FAM53A: variants seen among roughly 807,000 people sequenced by gnomAD.
FAM53A encodes the protein protein FAM53A.
Under a neutral mutation model 26.6 loss-of-function variants are expected in FAM53A, and 28 were observed. The ratio of observed to expected loss-of-function variants is 1.05; its 90% CI spans 0.78 to 1.45. The LOEUF is 1.45. Ranked by LOEUF, FAM53A falls within the 40% of genes most tolerant of loss-of-function variation. The probability of loss-of-function intolerance (pLI) is 0.00; values close to 1 mark genes in which losing one functional copy is unlikely to be tolerated. For missense variants in FAM53A, 650 were observed against 575.8 expected, an observed-to-expected ratio of 1.13 and a Z score of -1.32; for synonymous variants, 290 against 253.1, an observed-to-expected ratio of 1.15 and a Z score of -1.38.
intron 1 of FAM53A, among the ~76,000 whole-genome samples, chr4:1,634,566 A>C (rs1254568176): frequency 6.6e-6 from 1 of 152,134 alleles, no homozygotes; most frequent in African/African-American, 2.4e-5. Context: ...GAAAGGCTGG[A>C]ATTTCCTCCC....
rs769898435 is a variant in FAM53A, at chr4:1,668,697, G to C, written c.45C>G (p.Asp15Glu). The stretch of plus-strand genomic sequence containing the variant: ...CAGCCTCCGCCTTGCAGGTGAGGTC[G>C]TCCAGGCTCTGGCTCTGCAGCTTCT... ...ITEKLQSQSLDDLTCKAEAGP... is the reference protein window; with the variant it reads ...ITEKLQSQSLEDLTCKAEAGP... Residue 15 changes from aspartate to glutamate, a missense_variant, in exon 2 of 5, where the codon GAC (aspartate) becomes GAG (glutamate). Asp to Glu is a conservative substitution (Grantham distance 45, BLOSUM62 2). Coordinates refer to ENST00000308132, the MANE Select transcript of FAM53A (RefSeq NM_001174070.3). 1.2e-6 allele frequency: 2 copies of C among 1,614,186 alleles called. No homozygotes were observed. Among genetic ancestry groups the C allele is most frequent in the Non-Finnish European group, 1.7e-6 (2 of 1,180,036 alleles).
At chr4:1,650,557 C>T (rs148485787) in intron 4 of FAM53A, among the ~76,000 whole-genome samples, 5,282 of 152,074 alleles carry the variant, frequency 0.035, 163 homozygotes, top group South Asian at 0.13. Context: ...AGTGCAGTGG[C>T]GTGATCTCAG....
Position 1,659,547 on chromosome 4 carries a change from GAC to G in FAM53A, c.76-2081_76-2080del, listed in dbSNP as rs538493019. ...CCAAATGTGACCACCTCTATGCAAAGACACGCCGGGGGCAGCAGCTACTCCCA... is the reference window on the plus strand; with the variant it reads ...CCAAATGTGACCACCTCTATGCAAAGACGCCGGGGGCAGCAGCTACTCCCA... On this transcript the variant is annotated intron_variant, in intron 2 of 4. Transcript: ENST00000308132. The surrounding 1 kb of genome is among the most constrained non-coding windows in gnomAD (Gnocchi z 5.2). 1.5e-3 allele frequency among the ~76,000 whole-genome samples: 226 copies of G among 152,334 alleles called. No homozygotes were observed. Among genetic ancestry groups the G allele is most frequent in the Middle Eastern group, 3.4e-3 (1 of 294 alleles).
At chr4:1,684,854 G>C (rs539806342), upstream of FAM53A, among the ~76,000 whole-genome samples, 6 of 152,368 alleles carry the variant, frequency 3.9e-5, no homozygotes, top group African/African-American at 9.6e-5. Context: ...GCCGAGGGCG[G>C]ACCGTGCTGC....
chr4:1,669,300 G>A (rs193026429), intron 1 of FAM53A, among the ~76,000 whole-genome samples: 33 of 152,318 alleles, frequency 2.2e-4, no homozygotes, highest in Admixed American at 7.2e-4. Context: ...TGCTCCAAGT[G>A]GCCAAACACC....
intron 1 of FAM53A, among the ~76,000 whole-genome samples, chr4:1,627,956 C>T (rs552897236): frequency 2.6e-4 from 39 of 148,934 alleles, no homozygotes; most frequent in African/African-American, 8.2e-4. Context: ...CTCCTGTCAA[C>T]GGCAGCATCC....
chr4:1,682,939 TC>T (rs1715556464), intron 1 of FAM53A, among the ~76,000 whole-genome samples: 1 of 152,130 alleles, frequency 6.6e-6, no homozygotes, highest in African/African-American at 2.4e-5. Flanking sequence ...AGTGTGACCC[TC>T]AAAGTCGCAA....
At chr4:1,655,755 G>A (rs1021064606) in intron 3 of FAM53A, 32 bp from the exon 4 acceptor site, 2 of 1,507,068 alleles carry the variant, frequency 1.3e-6, no homozygotes, top group Non-Finnish European at 1.8e-6. Context: ...GGCAGGGGAA[G>A]AGACAGGTGA....
chr4:1,615,627 G>A (rs946922079), downstream of FAM53A, among the ~76,000 whole-genome samples: 14 of 151,100 alleles, frequency 9.3e-5, no homozygotes, highest in African/African-American at 3.4e-4. Context: ...ATCCCACCTG[G>A]GCACACATGG....
At chr4:1,618,200 T>G in intron 1 of FAM53A, 1 of 455,088 alleles carries the variant, frequency 2.2e-6, no homozygotes, top group Non-Finnish European at 4.4e-6. Context: ...GCAGAGACAG[T>G]GAGGCTGGCC....
the FAM53A span, among the ~76,000 whole-genome samples, chr4:1,603,884 T>C: frequency 6.6e-6 from 1 of 152,066 alleles, no homozygotes; most frequent in Non-Finnish European, 1.5e-5. Context: ...CAGCGATTGC[T>C]GCAGGCCTGA....
At chr4:1,682,015 T>C (rs1343789743) in intron 1 of FAM53A, among the ~76,000 whole-genome samples, 1 of 152,070 alleles carries the variant, frequency 6.6e-6, no homozygotes, top group Non-Finnish European at 1.5e-5. Context: ...GAACTTCACC[T>C]GGACAAGTAA....
At chr4:1,592,567 G>A in the FAM53A span, among the ~76,000 whole-genome samples, 1 of 152,106 alleles carries the variant, frequency 6.6e-6, no homozygotes, top group African/African-American at 2.4e-5. Flanking sequence ...CACACCCAGG[G>A]GCCCCCGACA....
intron 1 of FAM53A, among the ~76,000 whole-genome samples, chr4:1,669,475 T>G (rs1327196519): frequency 6.6e-6 from 1 of 151,934 alleles, no homozygotes; most frequent in East Asian, 1.9e-4. Context: ...GCCTCAGGAG[T>G]GGGCAGATCC....
intron 4 of FAM53A, chr4:1,644,470 G>T (rs969967760): frequency 2.5e-6 from 3 of 1,200,440 alleles, no homozygotes; most frequent in African/African-American, 1.5e-5. Context: ...AAGGCCACAC[G>T]GAACTGAAGG....
chr4:1,663,859 C>G (rs1714034074), intron 2 of FAM53A, among the ~76,000 whole-genome samples: 1 of 148,562 alleles, frequency 6.7e-6, no homozygotes, highest in African/African-American at 2.5e-5. Flanking sequence ...AAAAAAAAAG[C>G]TAAATCAACT....
Position 1,659,555 on chromosome 4 carries a change from G to A in FAM53A, c.76-2087C>T, listed in dbSNP as rs182439799. 5.5e-4 allele frequency among the ~76,000 whole-genome samples: 84 copies of A among 152,306 alleles called. No individual in the cohort carries two copies. In the East Asian group the frequency reaches 0.014, roughly 25 times the overall value. ...GACCACCTCTATGCAAAGACACGCC[G>A]GGGGCAGCAGCTACTCCCAGTGGCA... On this transcript the variant is annotated intron_variant, in intron 2 of 4. Transcript: ENST00000308132. The surrounding 1 kb of genome is among the most constrained non-coding windows in gnomAD (Gnocchi z 5.2).
At chr4:1,652,753 C>T (rs1409242902) in intron 4 of FAM53A, among the ~76,000 whole-genome samples, 1 of 147,492 alleles carries the variant, frequency 6.8e-6, no homozygotes, top group Non-Finnish European at 1.5e-5. Flanking sequence ...CACACACACA[C>T]CACACACAGA....
In FAM53A at chr4:1,640,371, TG is replaced by T. The variant is rs1269589987; in HGVS notation, c.*921del. ...GGGACACACGGGGCCAGTGGGACTC[TG>T]ACCACCAACGCCCGGGGTTTCCTAG... On this transcript the variant is annotated 3_prime_UTR_variant, in exon 5 of 5. Transcript: ENST00000308132. 7.9e-6 allele frequency: 2 copies of T among 254,638 alleles called. No individual in the cohort carries two copies. Among genetic ancestry groups the T allele is most frequent in the East Asian group, 3.6e-4 (2 of 5,624 alleles). The allele number at this position is 254,638 out of a possible 1,614,324, so 15.8% of individuals were successfully genotyped here. A position where few individuals can be genotyped will look rare whatever the true frequency, so the allele number is the denominator to read the frequency against.
Sources: allele counts gnomAD v4.1 joint callset (sites outside exome capture counted in the v4.1 genomes callset), GRCh38; gene constraint gnomAD v4.1.1; non-coding constraint Gnocchi (gnomAD v3.1); transcripts MANE v1.5; gene names NCBI Gene and HGNC (gene_info 2026-07-23, HGNC 2026-07-21).